The following AUTS2 variants were observed in gnomAD, a reference collection of about 807,000 sequenced individuals.
AUTS2 encodes the protein activator of transcription and developmental regulator AUTS2.
Under a neutral mutation model 112.4 loss-of-function variants are expected in AUTS2, and 17 were observed. The observed-to-expected ratio is 0.15, with a 90% CI of 0.10 to 0.23. The LOEUF (loss-of-function observed/expected upper bound fraction) is 0.23, where lower values mean the gene tolerates loss of function less well. AUTS2 is among the 10% of genes least tolerant of loss of function. The probability of loss-of-function intolerance (pLI) is 1.00; values close to 1 mark genes in which losing one functional copy is unlikely to be tolerated. For synonymous variants in AUTS2, 751 were observed against 702.7 expected, an observed-to-expected ratio of 1.07 and a Z score of -1.09; for missense variants, 1,510 against 1,701.6, an observed-to-expected ratio of 0.89 and a Z score of 1.98.
intron 12 of AUTS2, 71 bp downstream of exon 12, chr7:70,774,170 G>T: frequency 7.1e-7 from 1 of 1,416,612 alleles, no homozygotes; most frequent in Non-Finnish European, 1.0e-6. Context: ...GGCCAGCCCA[G>T]TGCTCGCATC....
intron 1 of AUTS2, among the ~76,000 whole-genome samples, chr7:69,633,564 A>G (rs1338512499): frequency 2.0e-5 from 3 of 151,908 alleles, no homozygotes; most frequent in South Asian, 2.1e-4. Flanking sequence ...ATTCCCACCA[A>G]CCGTATACAA....
At chr7:70,738,218 T>G (rs572291362) in intron 6 of AUTS2, among the ~76,000 whole-genome samples, 35 of 152,196 alleles carry the variant, frequency 2.3e-4, no homozygotes, top group Middle Eastern at 3.4e-3. Context: ...AGTGGCAGTC[T>G]CTCCAAACAA....
chr7:70,789,025 C>G (rs1791700280), intron 18 of AUTS2, among the ~76,000 whole-genome samples: 2 of 152,204 alleles, frequency 1.3e-5, no homozygotes, highest in African/African-American at 2.4e-5. Context: ...TTCAATGTCC[C>G]CATGAGGTTT....
chr7:69,971,578 C>T (rs758185740), intron 2 of AUTS2, among the ~76,000 whole-genome samples: 9 of 152,170 alleles, frequency 5.9e-5, no homozygotes, highest in African/African-American at 1.2e-4. Flanking sequence ...AGTCTCTCTC[C>T]TGATGGCCTT....
chr7:70,071,011 G>C (rs1334729969), intron 2 of AUTS2, among the ~76,000 whole-genome samples: 3 of 152,118 alleles, frequency 2.0e-5, no homozygotes, highest in Admixed American at 2.0e-4. Flanking sequence ...AATAGTTTGG[G>C]TTACTTAAAA....
intron 5 of AUTS2, among the ~76,000 whole-genome samples, chr7:70,690,717 C>G (rs1407812161): frequency 2.6e-5 from 4 of 152,174 alleles, no homozygotes; most frequent in Non-Finnish European, 4.4e-5. Context: ...AATCCCAGTA[C>G]TTTGGGAGGT....
intron 2 of AUTS2, among the ~76,000 whole-genome samples, chr7:70,111,072 G>C (rs908003168): frequency 1.3e-5 from 2 of 151,424 alleles, no homozygotes; most frequent in Admixed American, 6.6e-5. Flanking sequence ...GTAGAGACGG[G>C]GTTTCACCGT....
chr7:69,613,031 C>T (rs1793132197), intron 1 of AUTS2, among the ~76,000 whole-genome samples: 1 of 152,112 alleles, frequency 6.6e-6, no homozygotes, highest in South Asian at 2.1e-4. Flanking sequence ...CATTGACGCA[C>T]CCCATGAAAA....
At chr7:70,583,108 G>A (rs1802525783) in intron 5 of AUTS2, among the ~76,000 whole-genome samples, 1 of 152,198 alleles carries the variant, frequency 6.6e-6, no homozygotes, top group African/African-American at 2.4e-5. Flanking sequence ...GGCCGCCCCT[G>A]GCTGGTCTTC....
intron 5 of AUTS2, among the ~76,000 whole-genome samples, chr7:70,486,741 AGAGT>A (rs534659222): frequency 1.1e-3 from 172 of 152,278 alleles, no homozygotes; most frequent in African/African-American, 3.9e-3. Flanking sequence ...CCTGTGTGAC[AGAGT>A]GAGATTCCAT....
Position 70,781,753 on chromosome 7 carries a change from G to T in AUTS2, c.2143G>T (p.Ala715Ser). Residue 715 changes from alanine to serine, a missense_variant, in exon 15 of 19, where the codon GCT becomes TCT. This residue lies in a region of AUTS2 where 788 missense variants were observed against 797.6 expected (regional missense o/e 0.99). Transcript: ENST00000342771. Reference sequence around the variant, plus strand: ...ACGGCCTTCAACTTTGTTCTCTGCCGCTGGTGAGTGTGGGTTTGGGTGGGG... The same window carrying T: ...ACGGCCTTCAACTTTGTTCTCTGCCTCTGGTGAGTGTGGGTTTGGGTGGGG... Reference protein sequence around the residue: ...LARPSTLFSAAGAAHPTGTPF... With the variant: ...LARPSTLFSASGAAHPTGTPF... 6.2e-7 allele frequency: 1 copy of T among 1,613,844 alleles called. No homozygotes were observed. The highest frequency in any genetic ancestry group is 8.5e-7 in the Non-Finnish European group (1 of 1,179,878).
intron 5 of AUTS2, among the ~76,000 whole-genome samples, chr7:70,649,289 A>G (rs1361586448): frequency 6.6e-6 from 1 of 151,738 alleles, no homozygotes; most frequent in Non-Finnish European, 1.5e-5. Flanking sequence ...GGTCTCAGCT[A>G]CTTGGGTGTT....
At chr7:70,668,595 A>G (rs1376894982) in intron 5 of AUTS2, among the ~76,000 whole-genome samples, 1 of 152,190 alleles carries the variant, frequency 6.6e-6, no homozygotes, top group Non-Finnish European at 1.5e-5. Flanking sequence ...GATGTTATCT[A>G]GAGATCCTGA....
chr7:70,242,220 A>G (rs1283404856), intron 4 of AUTS2, among the ~76,000 whole-genome samples: 1 of 152,116 alleles, frequency 6.6e-6, no homozygotes, highest in Non-Finnish European at 1.5e-5. Context: ...AAACCTCCAT[A>G]CTGTGTAGAG....
At chr7:70,260,558 C>T (rs1279718593) in intron 4 of AUTS2, among the ~76,000 whole-genome samples, 1 of 151,908 alleles carries the variant, frequency 6.6e-6, no homozygotes, top group Non-Finnish European at 1.5e-5. Flanking sequence ...TGCTAACATG[C>T]TAGCTCAGTT....
chr7:70,784,764 AAAAAAAAAACAC>A, intron 15 of AUTS2, 166 bp from the exon 16 acceptor site: 1 of 359,280 alleles, frequency 2.8e-6, no homozygotes, highest in South Asian at 3.8e-5. Flanking sequence ...AAAAAAAAAA[AAAAAAAAAACAC>A]ACATTTTCTT....
intron 1 of AUTS2, among the ~76,000 whole-genome samples, chr7:69,846,917 C>T (rs527814994): frequency 6.6e-6 from 1 of 152,276 alleles, no homozygotes; most frequent in Admixed American, 6.5e-5. Flanking sequence ...TCCCATTTTA[C>T]AGATGAGAAA....
chr7:70,543,279 A>G (rs1800627987), intron 5 of AUTS2, among the ~76,000 whole-genome samples: 2 of 152,090 alleles, frequency 1.3e-5, no homozygotes, highest in Admixed American at 6.6e-5. Context: ...AGGTGGGTGG[A>G]TCATTTGAGG....
intron 2 of AUTS2, among the ~76,000 whole-genome samples, chr7:70,020,718 G>A (rs183554289): frequency 6.6e-6 from 1 of 151,730 alleles, no homozygotes; most frequent in African/African-American, 2.4e-5. Context: ...TTGAGGTAGG[G>A]CCTCACTCTG....
Sources: allele counts gnomAD v4.1 joint callset (sites outside exome capture counted in the v4.1 genomes callset), GRCh38; gene constraint gnomAD v4.1.1; regional missense constraint gnomAD v4.1.1; transcripts MANE v1.5; gene names NCBI Gene and HGNC (gene_info 2026-07-23, HGNC 2026-07-21).